The following AUH variants were observed in gnomAD, a reference collection of about 807,000 sequenced individuals.
AUH encodes the protein methylglutaconyl-CoA hydratase, mitochondrial.
Under a neutral mutation model 42.3 loss-of-function variants are expected in AUH, and 29 were observed. The observed-to-expected ratio is 0.69, with a 90% CI of 0.51 to 0.93. AUH has a LOEUF of 0.93. AUH is among the 40% of genes least tolerant of loss of function. AUH has a pLI of 0.00. For missense variants in AUH, 452 were observed against 438.1 expected, an observed-to-expected ratio of 1.03 and a Z score of -0.28; for synonymous variants, 174 against 166.4, an observed-to-expected ratio of 1.05 and a Z score of -0.35.
intron 6 of AUH, among the ~76,000 whole-genome samples, chr9:91,288,493 G>A (rs1031659709): frequency 3.3e-5 from 5 of 152,054 alleles, no homozygotes; most frequent in Admixed American, 3.3e-4. Context: ...ATAAAATTAC[G>A]ACAAGGTTCT....
At chr9:91,224,630 G>A (rs1270936648) in intron 6 of AUH, among the ~76,000 whole-genome samples, 1 of 152,056 alleles carries the variant, frequency 6.6e-6, no homozygotes, top group East Asian at 1.9e-4. Flanking sequence ...TTTTTGCATA[G>A]GGTATAAAGT....
At chr9:91,258,767 G>A (rs1829548198) in intron 6 of AUH, among the ~76,000 whole-genome samples, 1 of 152,142 alleles carries the variant, frequency 6.6e-6, no homozygotes, top group South Asian at 2.1e-4. Context: ...GAAATCATGA[G>A]TCAATATTAA....
intron 3 of AUH, among the ~76,000 whole-genome samples, chr9:91,328,019 G>T (rs182052159): frequency 1.2e-3 from 184 of 152,282 alleles, no homozygotes; most frequent in Non-Finnish European, 2.1e-3. Context: ...GGCCAAGAGG[G>T]TGGAGTAAGG....
At chr9:91,258,968 T>C (rs1349103590) in intron 6 of AUH, among the ~76,000 whole-genome samples, 2 of 152,206 alleles carry the variant, frequency 1.3e-5, no homozygotes, top group Non-Finnish European at 1.5e-5. Context: ...TCATGAGGGA[T>C]GCTTGTCTGT....
chr9:91,302,641 G>A lies in AUH; in HGVS notation c.506-4565C>T, dbSNP rs56076218. On this transcript the variant is annotated intron_variant, in intron 4 of 9. Transcript: ENST00000375731. ...AAAAATTAGCCAGACATGGTGGTGC[G>A]TGCCTGTAATCCCAGCTACTGGGAA... Among the ~76,000 whole-genome samples the A allele has an allele frequency of 5.7e-3, 863 of 150,892 alleles. 7 individuals are homozygous for A. The highest frequency in any genetic ancestry group is 8.6e-3 in the Non-Finnish European group (579 of 67,692).
At chr9:91,275,769 A>C (rs1023492603) in intron 6 of AUH, among the ~76,000 whole-genome samples, 1 of 152,198 alleles carries the variant, frequency 6.6e-6, no homozygotes, top group Non-Finnish European at 1.5e-5. Flanking sequence ...GTAATTATTA[A>C]CAGGTCAAGG....
chr9:91,279,273 T>A (rs1825782720), intron 6 of AUH, among the ~76,000 whole-genome samples: 1 of 152,138 alleles, frequency 6.6e-6, no homozygotes, highest in South Asian at 2.1e-4. Flanking sequence ...CAACAACCTA[T>A]GATATAGGCA....
At chr9:91,234,934 A>T (rs1828092740) in intron 6 of AUH, among the ~76,000 whole-genome samples, 1 of 151,228 alleles carries the variant, frequency 6.6e-6, no homozygotes, top group South Asian at 2.1e-4. Context: ...CCAGACATCC[A>T]AATGAAGATC....
chr9:91,256,175 T>C (rs1829394238), intron 6 of AUH, among the ~76,000 whole-genome samples: 1 of 152,184 alleles, frequency 6.6e-6, no homozygotes, highest in African/African-American at 2.4e-5. Flanking sequence ...ACCCAGACTG[T>C]AGCAATTAAG....
chr9:91,276,044 ACCAGAG>A lies in AUH; in HGVS notation c.655+19971_655+19976del, dbSNP rs1157013978. On this transcript the variant is annotated intron_variant, in intron 6 of 9. Transcript: ENST00000375731. ...TGTCCATGGAAGGACAAAAGTAATA[ACCAGAG>A]CCAATATCAAATACAAATTTCCTTT... Among the ~76,000 whole-genome samples the A allele has an allele frequency of 8.5e-5, 13 of 152,286 alleles. No homozygotes were observed. In the East Asian group the frequency reaches 2.3e-3, roughly 27 times the overall value.
intron 4 of AUH, among the ~76,000 whole-genome samples, chr9:91,317,231 T>C (rs1474858010): frequency 6.6e-6 from 1 of 152,194 alleles, no homozygotes. Context: ...TTTTTGCTCA[T>C]CAAGTCCCTC....
chr9:91,228,531 G>C (rs1276956937), intron 6 of AUH, among the ~76,000 whole-genome samples: 1 of 147,868 alleles, frequency 6.8e-6, no homozygotes, highest in Middle Eastern at 3.2e-3. Context: ...TTTTTTCAAG[G>C]GTTTTTTGTG....
At chr9:91,274,504 T>C (rs945214187) in intron 6 of AUH, among the ~76,000 whole-genome samples, 5 of 152,234 alleles carry the variant, frequency 3.3e-5, no homozygotes, top group Admixed American at 1.3e-4. Flanking sequence ...TTTAGGATTT[T>C]ACAATACAGT....
intron 3 of AUH, among the ~76,000 whole-genome samples, chr9:91,345,062 G>C (rs1184986644): frequency 6.6e-6 from 1 of 151,332 alleles, no homozygotes; most frequent in Middle Eastern, 3.2e-3. Flanking sequence ...TTTTCACCCT[G>C]ATGAACTGCA....
At chr9:91,285,168 G>A (rs1050522866) in intron 6 of AUH, among the ~76,000 whole-genome samples, 11 of 152,152 alleles carry the variant, frequency 7.2e-5, no homozygotes, top group Non-Finnish European at 4.4e-5. Context: ...TAGGGACATG[G>A]ATGAAGCTGG....
At chr9:91,290,524 A>T (rs1188854992) in intron 6 of AUH, among the ~76,000 whole-genome samples, 1 of 152,218 alleles carries the variant, frequency 6.6e-6, no homozygotes, top group Non-Finnish European at 1.5e-5. Context: ...GAAACTAGAA[A>T]AATAATTCTA....
intron 6 of AUH, among the ~76,000 whole-genome samples, chr9:91,283,660 C>T (rs1826157309): frequency 6.6e-6 from 1 of 152,152 alleles, no homozygotes; most frequent in Non-Finnish European, 1.5e-5. Flanking sequence ...CATTCCTATA[C>T]ACCAATAACA....
intron 3 of AUH, among the ~76,000 whole-genome samples, chr9:91,334,152 G>T (rs1830528194): frequency 6.6e-6 from 1 of 152,178 alleles, no homozygotes; most frequent in Non-Finnish European, 1.5e-5. Context: ...AGGTCATATG[G>T]AATGCAAAGT....
At chr9:91,287,111 T>C (rs1826476305) in intron 6 of AUH, among the ~76,000 whole-genome samples, 1 of 152,098 alleles carries the variant, frequency 6.6e-6, no homozygotes. Flanking sequence ...AATGGGTAAG[T>C]ATCATGTTTC....
Sources: allele counts gnomAD v4.1 joint callset (sites outside exome capture counted in the v4.1 genomes callset), GRCh38; gene constraint gnomAD v4.1.1; transcripts MANE v1.5; gene names NCBI Gene and HGNC (gene_info 2026-07-23, HGNC 2026-07-21).